The following RARB variants were observed in gnomAD, a reference collection of about 807,000 sequenced individuals.
RARB encodes the protein HBV-activated protein.
Under a neutral mutation model 51.9 loss-of-function variants are expected in RARB, and 17 were observed. That is an observed-to-expected ratio of 0.33 (90% CI 0.22 to 0.49). The LOEUF is 0.49. RARB is among the 20% of genes least tolerant of loss of function. RARB has a pLI of 0.99. For missense variants in RARB, 369 were observed against 550.8 expected, an observed-to-expected ratio of 0.67 and a Z score of 3.30; for synonymous variants, 215 against 195.4, an observed-to-expected ratio of 1.10 and a Z score of -0.84.
chr3:25,097,004 G>C (rs2125319430), intron 3 of RARB, among the ~76,000 whole-genome samples: 1 of 152,264 alleles, frequency 6.6e-6, no homozygotes, highest in Middle Eastern at 3.4e-3. Flanking sequence ...AAGAATAAAA[G>C]AGGTATCTTC....
intron 5 of RARB, among the ~76,000 whole-genome samples, chr3:25,371,993 CCGATAGTCTTAAGGA>C (rs1239540874): frequency 1.3e-4 from 20 of 152,102 alleles, no homozygotes; most frequent in Admixed American, 1.1e-3. Flanking sequence ...ACAGCTGCCA[CCGATAGTCTTAAGGA>C]CTAAACTTGG....
At chr3:25,520,476 A>G (rs1325039114) in intron 3 of RARB, among the ~76,000 whole-genome samples, 1 of 152,216 alleles carries the variant, frequency 6.6e-6, no homozygotes, top group Non-Finnish European at 1.5e-5. Flanking sequence ...GTTGGTTCCT[A>G]ATACAAATGC....
intron 1 of RARB, among the ~76,000 whole-genome samples, chr3:24,855,744 A>ATT (rs34706427): frequency 0.16 from 17,455 of 110,054 alleles, 2,393 homozygotes; most frequent in African/African-American, 0.31. Context: ...GGAAATCTGC[A>ATT]TTTTTTTTTT....
intron 5 of RARB, among the ~76,000 whole-genome samples, chr3:25,582,572 C>T (rs1179518438): frequency 6.6e-6 from 1 of 152,048 alleles, no homozygotes. Flanking sequence ...TTGAGATCCT[C>T]CGGGAAAGTG....
chr3:24,936,925 T>C (rs1022573669), intron 2 of RARB, among the ~76,000 whole-genome samples: 1 of 152,188 alleles, frequency 6.6e-6, no homozygotes, highest in African/African-American at 2.4e-5. Flanking sequence ...TTGCCAAAAT[T>C]CCAAAGGAAA....
Position 25,423,109 on chromosome 3 carries a change from C to T in RARB, c.179-38084C>T, listed in dbSNP as rs369417748. Among the ~76,000 whole-genome samples the T allele has an allele frequency of 3.7e-4, 56 of 152,240 alleles. No homozygotes were observed. In the East Asian group the frequency reaches 0.01, roughly 28 times the overall value. On this transcript the variant is annotated intron_variant, in intron 5 of 11. Coordinates refer to the RARB transcript ENST00000383772. ...CCCCGTACAGAAAATGTTTGCTGAC[C>T]CCGGTTTTAGAACAAAAAGGTAACA...
At chr3:25,456,554 A>ATTTTTTTTTTTTTTTTTTT (rs35056259) in intron 1 of RARB, among the ~76,000 whole-genome samples, 2 of 44,118 alleles carry the variant, frequency 4.5e-5, no homozygotes, top group Non-Finnish European at 8.1e-5. Flanking sequence ...TATACCACTG[A>ATTTTTTTTTTTTTTTTTTT]TTTTTTTTTT....
At chr3:25,095,653 T>C (rs534226978) in intron 3 of RARB, among the ~76,000 whole-genome samples, 1 of 152,220 alleles carries the variant, frequency 6.6e-6, no homozygotes, top group African/African-American at 2.4e-5. Flanking sequence ...TTCCTGGTGG[T>C]GTAGGTTGCG....
chr3:25,221,326 G>C (rs1701943691), intron 5 of RARB, among the ~76,000 whole-genome samples: 1 of 151,408 alleles, frequency 6.6e-6, no homozygotes, highest in Non-Finnish European at 1.5e-5. Flanking sequence ...TGCTAAGTTA[G>C]TTCATAACTG....
intron 2 of RARB, among the ~76,000 whole-genome samples, chr3:24,991,973 C>A (rs2125435284): frequency 6.6e-6 from 1 of 152,208 alleles, no homozygotes; most frequent in East Asian, 1.9e-4. Context: ...TCCTCCCCTG[C>A]TCAGGCTTTC....
At chr3:25,508,589 A>C (rs1384268218) in intron 3 of RARB, among the ~76,000 whole-genome samples, 1 of 152,178 alleles carries the variant, frequency 6.6e-6, no homozygotes, top group Admixed American at 6.5e-5. Flanking sequence ...TCATCAGGGC[A>C]CTTAATGTCT....
chr3:25,372,111 G>T (rs1706318092), intron 5 of RARB, among the ~76,000 whole-genome samples: 1 of 152,218 alleles, frequency 6.6e-6, no homozygotes. Flanking sequence ...TGTAGGCCAG[G>T]ATAAAAAGTT....
At chr3:25,567,082 G>A (rs967844015) in intron 3 of RARB, among the ~76,000 whole-genome samples, 3 of 152,214 alleles carry the variant, frequency 2.0e-5, no homozygotes, top group Non-Finnish European at 4.4e-5. Flanking sequence ...GACTCAAACA[G>A]TTCCTGGTAT....
At chr3:24,949,420 T>TA (rs1199490087) in intron 2 of RARB, among the ~76,000 whole-genome samples, 1 of 152,150 alleles carries the variant, frequency 6.6e-6, no homozygotes, top group Admixed American at 6.6e-5. Context: ...GGGTGCACGG[T>TA]AAAATCGAAG....
chr3:25,225,209 A>AAT (rs1275984221), intron 5 of RARB, among the ~76,000 whole-genome samples: 3 of 152,188 alleles, frequency 2.0e-5, no homozygotes, highest in African/African-American at 7.2e-5. Context: ...ACAGGAATAA[A>AAT]ATACTCTGAT....
At chr3:24,971,665 T>A (rs1575098368) in intron 2 of RARB, among the ~76,000 whole-genome samples, 1 of 151,900 alleles carries the variant, frequency 6.6e-6, no homozygotes, top group Non-Finnish European at 1.5e-5. Context: ...ACAAAGGAGG[T>A]GATTACATGA....
intron 2 of RARB, among the ~76,000 whole-genome samples, chr3:24,985,157 T>C (rs926923717): frequency 1.3e-5 from 2 of 152,186 alleles, no homozygotes; most frequent in African/African-American, 4.8e-5. Context: ...ACATTAGCAG[T>C]AATTTTGGTT....
At position 25,447,223 on chromosome 3, in the gene RARB, C is replaced by CT. The variant is rs200309686; in HGVS notation, c.158-13959dup. Among the ~76,000 whole-genome samples, 1,001 of 146,384 alleles carry CT rather than the reference C, an allele frequency of 6.8e-3. 1 individual carries two copies. The highest frequency in any genetic ancestry group is 0.01 in the Admixed American group (153 of 14,656). Reference sequence around the variant, plus strand: ...GTATGCAGATTTCATTTTTTTAATTCTTTTTTTTTTTAACCAACACTGATT... The same window carrying CT: ...GTATGCAGATTTCATTTTTTTAATTCTTTTTTTTTTTTAACCAACACTGATT... On this transcript the variant is annotated intron_variant, in intron 1 of 7. Transcript: ENST00000330688.
intron 5 of RARB, chr3:25,259,028 A>T (rs1034920246): frequency 2.0e-6 from 2 of 985,308 alleles, no homozygotes; most frequent in Non-Finnish European, 2.4e-6. Context: ...ACTGCTTCTG[A>T]TATTAGTAGG....
Sources: allele counts gnomAD v4.1 joint callset (sites outside exome capture counted in the v4.1 genomes callset), GRCh38; gene constraint gnomAD v4.1.1; transcripts MANE v1.5; gene names NCBI Gene and HGNC (gene_info 2026-07-23, HGNC 2026-07-21).